Variants in IL1RAP observed in about 807,000 individuals in gnomAD.
IL1RAP encodes interleukin-1 receptor accessory protein.
Under a neutral mutation model 60.7 loss-of-function variants are expected in IL1RAP, and 35 were observed. That is an observed-to-expected ratio of 0.58 (90% CI 0.44 to 0.76). The LOEUF (loss-of-function observed/expected upper bound fraction) is 0.76. IL1RAP is among the 30% of genes least tolerant of loss of function. The pLI, the probability that IL1RAP is intolerant of heterozygous loss-of-function variation, is 0.00. For synonymous variants in IL1RAP, 268 were observed against 250.9 expected, an observed-to-expected ratio of 1.07 and a Z score of -0.64; for missense variants, 572 against 693.9, an observed-to-expected ratio of 0.82 and a Z score of 1.97.
At chr3:190,634,962 G>A (rs183194085) in intron 9 of IL1RAP, among the ~76,000 whole-genome samples, 191 of 152,186 alleles carry the variant, frequency 1.3e-3, no homozygotes, top group Non-Finnish European at 2.1e-3. Context: ...TGATCCGCCC[G>A]CCTAGGCCTC....
chr3:190,588,149 CT>C (rs948873410), intron 3 of IL1RAP, among the ~76,000 whole-genome samples: 2 of 152,188 alleles, frequency 1.3e-5, no homozygotes, highest in African/African-American at 4.8e-5. Flanking sequence ...GCATCTCACT[CT>C]GTTGCCAGGC....
Position 190,608,998 on chromosome 3 carries a change from C to G in IL1RAP, c.354C>G (p.Asn118Lys). The change falls in exon 5 of 12, where the codon AAC becomes AAG. Residue 118 changes from asparagine (N) to lysine (K), a missense_variant. Transcript: ENST00000447382. ...CATTGTATATTTCTTTTTTCAGGAA[C>G]ACTACATATTGCAGCAAAGTTGCAT... ...DTGNYTCMLR[N>K]TTYCSKVAFP... The G allele has an allele frequency of 6.2e-7, 1 of 1,610,204 alleles. No homozygotes were observed. The highest frequency in any genetic ancestry group is 1.1e-5 in the South Asian group (1 of 90,462).
At chr3:190,520,459 G>A (rs924765158) in intron 1 of IL1RAP, 1 of 152,084 alleles carries the variant, frequency 6.6e-6, no homozygotes, top group Non-Finnish European at 1.5e-5. Flanking sequence ...GCTCAATGAT[G>A]GGAAAACCCA....
Position 190,648,439 on chromosome 3 carries a change from C to T in IL1RAP, c.1447C>T (p.Leu483Phe), listed in dbSNP as rs1734189830. The T allele has an allele frequency of 6.2e-7, 1 of 1,614,126 alleles. No homozygotes were observed. The highest frequency in any genetic ancestry group is 2.2e-5 in the East Asian group (1 of 44,876). Reference sequence around the variant, plus strand: ...CCAGGGAACCCAAGCCCTCCTGGAGCTCAAGGCTGGCCTAGAAAATATGGC... The same window carrying T: ...CCAGGGAACCCAAGCCCTCCTGGAGTTCAAGGCTGGCCTAGAAAATATGGC... ...VLQGTQALLE[L>F]KAGLENMASR... The change falls in exon 12 of 12, where the codon CTC (leucine) becomes TTC (phenylalanine). Residue 483 changes from leucine (L) to phenylalanine (F), a missense_variant. By Grantham distance (22) the Leu-to-Phe change is conservative. Transcript: ENST00000447382.
intron 3 of IL1RAP, among the ~76,000 whole-genome samples, chr3:190,585,162 G>A (rs979445152): frequency 6.6e-6 from 1 of 152,124 alleles, no homozygotes; most frequent in Admixed American, 6.5e-5. Flanking sequence ...GTAACAAAGT[G>A]GCTTCCCTCT....
chr3:190,638,709 A>C (rs1733417346), intron 9 of IL1RAP, among the ~76,000 whole-genome samples: 1 of 152,082 alleles, frequency 6.6e-6, no homozygotes, highest in African/African-American at 2.4e-5. Context: ...ACCTTTGTTT[A>C]GGCCTATAGT....
In IL1RAP at chr3:190,562,860, T is replaced by C. The variant is rs1443466870; in HGVS notation, c.-1-1429T>C. 3.3e-5 allele frequency among the ~76,000 whole-genome samples: 5 copies of C among 152,162 alleles called. 1 individual carries two copies. In the East Asian group the frequency reaches 9.6e-4, roughly 29 times the overall value. On this transcript the variant is annotated intron_variant, in intron 2 of 11. Coordinates refer to ENST00000447382, the MANE Select transcript of IL1RAP (RefSeq NM_002182.4). ...AGAGAAAAAGATTTCCCCAAGGTCA[T>C]AATATAAGAGCTGGAAGGAAGAGGT...
chr3:190,647,972 G>A (rs141989245), intron 11 of IL1RAP, among the ~76,000 whole-genome samples: 171 of 152,224 alleles, frequency 1.1e-3, no homozygotes, highest in African/African-American at 4.0e-3. Flanking sequence ...GAGCTGACGT[G>A]GCTAGACCAT....
At chr3:190,514,862 G>A (rs948876865) in intron 1 of IL1RAP, among the ~76,000 whole-genome samples, 4 of 152,034 alleles carry the variant, frequency 2.6e-5, no homozygotes, top group Admixed American at 6.6e-5. Flanking sequence ...TGGCCCTGTG[G>A]GGCACAGGGT....
intron 3 of IL1RAP, among the ~76,000 whole-genome samples, chr3:190,596,906 T>A (rs777457195): frequency 5.3e-5 from 8 of 152,150 alleles, no homozygotes; most frequent in Admixed American, 2.6e-4. Flanking sequence ...GTTCATTGAA[T>A]AATATAAAAA....
chr3:190,649,648 G>A lies in IL1RAP; in HGVS notation c.*943G>A. 2 of 985,890 alleles carry A rather than the reference G, an allele frequency of 2.0e-6. No individual in the cohort carries two copies. Among genetic ancestry groups the A allele is most frequent in the Non-Finnish European group, 2.4e-6 (2 of 829,932 alleles). 61.1% of individuals were successfully genotyped at this position (985,890 alleles called of 1,614,324 possible). ...CCTTGCTAATGTGAATACTGGGAAA[G>A]TGATTTTTTCTCACTCGTTTTTGTT... On this transcript the variant is annotated 3_prime_UTR_variant, in exon 12 of 12. Transcript: ENST00000447382.
chr3:190,654,000 T>G (rs1166806973), downstream of IL1RAP, among the ~76,000 whole-genome samples: 1 of 152,168 alleles, frequency 6.6e-6, no homozygotes, highest in Middle Eastern at 3.2e-3. Flanking sequence ...CATTTAGCAT[T>G]GTCCTCTTTC....
intron 2 of IL1RAP, among the ~76,000 whole-genome samples, chr3:190,557,499 T>G (rs1725525594): frequency 6.6e-6 from 1 of 151,942 alleles, no homozygotes; most frequent in Admixed American, 6.6e-5. Flanking sequence ...CTAAGAGGAG[T>G]GTGCTAATGT....
At chr3:190,618,138 A>G (rs779514551) in intron 5 of IL1RAP, among the ~76,000 whole-genome samples, 2 of 152,204 alleles carry the variant, frequency 1.3e-5, no homozygotes, top group African/African-American at 4.8e-5. Flanking sequence ...CAGGGCTGCT[A>G]TATGGAATGA....
chr3:190,625,450 GGGAAGA>G (rs1228653355), intron 7 of IL1RAP, among the ~76,000 whole-genome samples: 2 of 152,108 alleles, frequency 1.3e-5, no homozygotes, highest in Admixed American at 6.5e-5. Context: ...AGGGTGACTG[GGGAAGA>G]GGCTGATGAA....
intron 8 of IL1RAP, among the ~76,000 whole-genome samples, chr3:190,628,622 T>C (rs1732516932): frequency 6.6e-6 from 1 of 152,074 alleles, no homozygotes; most frequent in Non-Finnish European, 1.5e-5. Context: ...TCACTGAGAG[T>C]TGGATATATT....
At chr3:190,564,193 C>G in intron 2 of IL1RAP, 96 bp from the exon 3 acceptor site, 3 of 782,644 alleles carry the variant, frequency 3.8e-6, no homozygotes, top group Non-Finnish European at 6.9e-6. Context: ...AGAACAGTCC[C>G]TAGTCTATAG....
At chr3:190,573,721 T>C (rs1487817714) in intron 3 of IL1RAP, among the ~76,000 whole-genome samples, 1 of 152,162 alleles carries the variant, frequency 6.6e-6, no homozygotes, top group East Asian at 1.9e-4. Context: ...CATTTTACAG[T>C]ATTGGGTTTT....
chr3:190,645,801 A>T lies in IL1RAP; in HGVS notation c.1304A>T (p.Tyr435Phe). Residue 435 changes from tyrosine (Y) to phenylalanine (F), a missense_variant, in exon 11 of 12, where the codon TAC (tyrosine) becomes TTC (phenylalanine). By Grantham distance (22) the Tyr-to-Phe change is conservative. Transcript: ENST00000447382. ...LRGVLENEFGYKLCIFDRDSL... is the reference protein window; with the variant it reads ...LRGVLENEFGFKLCIFDRDSL... ...GGAGTTTTGGAGAATGAATTTGGAT[A>T]CAAGCTGTGCATCTTTGACCGAGAC... 6.2e-7 allele frequency: 1 copy of T among 1,613,910 alleles called. No homozygotes were observed. The highest frequency in any genetic ancestry group is 8.5e-7 in the Non-Finnish European group (1 of 1,179,834).
Sources: gnomAD v4.1 joint callset for allele counts (sites outside exome capture counted in the v4.1 genomes callset) on GRCh38, gnomAD v4.1.1 for gene constraint, MANE v1.5 for transcripts, NCBI Gene and HGNC (gene_info 2026-07-23, HGNC 2026-07-21) for gene names.